Variants in DGKZ observed in about 807,000 individuals in gnomAD.
The protein encoded by DGKZ is diacylglycerol kinase zeta.
DGKZ carries 45 observed loss-of-function variants against 142.5 expected under a neutral mutation model. That is an observed-to-expected ratio of 0.32 (90% CI 0.25 to 0.40). The LOEUF (loss-of-function observed/expected upper bound fraction) is 0.40. Among genes scored for constraint, DGKZ ranks in the 10% least tolerant of loss-of-function variants. The probability of loss-of-function intolerance (pLI) is 1.00; values close to 1 mark genes in which losing one functional copy is unlikely to be tolerated. For missense variants in DGKZ, 755 were observed against 1,306.5 expected (o/e 0.58, Z 6.51); for synonymous variants, 442 against 527.0 (o/e 0.84, Z 2.21).
intron 1 of DGKZ, chr11:46,366,402 G>C: frequency 1.3e-6 from 2 of 1,526,850 alleles, no homozygotes; most frequent in Non-Finnish European, 1.8e-6. Context: ...CTGGCACAGC[G>C]GCGCCGCTCC....
chr11:46,376,494 C>T (rs1344876932), intron 23 of DGKZ, 30 bp from the exon 24 acceptor site: 1 of 1,613,806 alleles, frequency 6.2e-7, no homozygotes, highest in South Asian at 1.1e-5. Flanking sequence ...CATGGCACTC[C>T]CTGATCCTCA....
At chr11:46,371,934 T>C in intron 9 of DGKZ, 141 bp from the exon 10 acceptor site, 2 of 1,230,406 alleles carry the variant, frequency 1.6e-6, no homozygotes, top group South Asian at 1.3e-5. Flanking sequence ...CAGTTTCTGC[T>C]CTGTGGCCTG....
chr11:46,365,332 G>T (rs1250311825), intron 1 of DGKZ: 1 of 985,330 alleles, frequency 1.0e-6, no homozygotes, highest in African/African-American at 1.7e-5. Context: ...GCATCACCCA[G>T]CTTCACCCTG....
At chr11:46,366,146 C>T in intron 1 of DGKZ, 1 of 1,403,012 alleles carries the variant, frequency 7.1e-7, no homozygotes, top group Non-Finnish European at 9.2e-7. Context: ...CTGGTTGCTT[C>T]CCTTCTCATG....
intron 1 of DGKZ, among the ~76,000 whole-genome samples, chr11:46,349,424 CTTCTGA>C (rs1404542210): frequency 1.3e-5 from 2 of 152,154 alleles, no homozygotes; most frequent in Admixed American, 1.3e-4. Context: ...GGCTGTGCCC[CTTCTGA>C]AGGGCACAGG....
At chr11:46,371,649 T>C in intron 8 of DGKZ, 46 bp downstream of exon 8, 1 of 1,613,500 alleles carries the variant, frequency 6.2e-7, no homozygotes, top group Non-Finnish European at 8.5e-7. Context: ...ACTTGGGGTC[T>C]GCCAGCTACC....
intron 4 of DGKZ, 48 bp downstream of exon 4, chr11:46,368,127 G>T: frequency 6.3e-7 from 1 of 1,589,398 alleles, no homozygotes; most frequent in Admixed American, 1.7e-5. Flanking sequence ...TGGGTGCTGA[G>T]GCCCTTTCAG....
chr11:46,333,514 C>T, intron 1 of DGKZ: 1 of 1,535,466 alleles, frequency 6.5e-7, no homozygotes, highest in Non-Finnish European at 8.8e-7. Flanking sequence ...CAGAGGGGAG[C>T]GCGGCGCTTG....
intron 1 of DGKZ, among the ~76,000 whole-genome samples, chr11:46,348,313 C>A (rs1940929500): frequency 6.6e-6 from 1 of 152,218 alleles, no homozygotes; most frequent in South Asian, 2.1e-4. Flanking sequence ...GTGGCATCTG[C>A]AGAACGTAGC....
At chr11:46,347,444 T>C, upstream of DGKZ, 3 of 981,492 alleles carry the variant, frequency 3.1e-6, no homozygotes, top group Non-Finnish European at 3.6e-6. The surrounding 1 kb of genome is among the most constrained non-coding windows in gnomAD (Gnocchi z 6.4). Context: ...CTATGCGGGG[T>C]CCTGCGGCCG....
At chr11:46,356,829 G>T (rs1942079676) in intron 1 of DGKZ, among the ~76,000 whole-genome samples, 1 of 152,160 alleles carries the variant, frequency 6.6e-6, no homozygotes, top group East Asian at 1.9e-4. Context: ...GGGCCATGGG[G>T]ATAAGAATAC....
rs889979983 is a variant in DGKZ at position 46,367,081 on chromosome 11, A to G, written c.162-210A>G. On this transcript the variant is annotated intron_variant, in intron 1 of 30. Coordinates refer to ENST00000527911, the Ensembl canonical transcript of DGKZ. The surrounding 1 kb of genome is among the most constrained non-coding windows in gnomAD (Gnocchi z 4.1). ...AGCTCTGCCTGGCTGAGGGTTCCCCACTTGGGAACACTCTGGGCAGTACCC... is the reference window on the plus strand; with the variant it reads ...AGCTCTGCCTGGCTGAGGGTTCCCCGCTTGGGAACACTCTGGGCAGTACCC... 1.4e-5 allele frequency: 19 copies of G among 1,402,608 alleles called. No individual in the cohort carries two copies. Among genetic ancestry groups the G allele is most frequent in the Non-Finnish European group, 1.8e-5 (19 of 1,047,258 alleles). The allele number at this position is 1,402,608 out of a possible 1,614,324, so 86.9% of individuals were successfully genotyped here.
chr11:46,343,005 T>G (rs1050352093), upstream of DGKZ, among the ~76,000 whole-genome samples: 1 of 152,054 alleles, frequency 6.6e-6, no homozygotes, highest in Admixed American at 6.5e-5. Context: ...ACGCCTGTGA[T>G]CCAAGCTACT....
At chr11:46,379,738 C>A in intron 30 of DGKZ, 93 bp from the exon 31 acceptor site, 2 of 1,359,818 alleles carry the variant, frequency 1.5e-6, no homozygotes, top group South Asian at 1.4e-5. Context: ...CCTCCCTGAC[C>A]AGGCCACAGG....
At chr11:46,361,751 T>A in intron 1 of DGKZ, 13 of 775,474 alleles carry the variant, frequency 1.7e-5, no homozygotes, top group Non-Finnish European at 1.6e-5. Context: ...GCTTCCTCCC[T>A]CTGTATCTGG....
upstream of DGKZ, chr11:46,345,493 G>A (rs1351884083): frequency 2.7e-5 from 41 of 1,513,930 alleles, no homozygotes; most frequent in African/African-American, 5.7e-5. This position sits in a 1 kb window ranked among gnomAD's most constrained non-coding sequence, Gnocchi z 4.1. Context: ...CGCTGGGGAC[G>A]GAAGAAGGGG....
At chr11:46,373,293 T>G (rs545959831) in intron 14 of DGKZ, among the ~76,000 whole-genome samples, 192 bp downstream of exon 14, 33 of 140,816 alleles carry the variant, frequency 2.3e-4, no homozygotes, top group Middle Eastern at 3.5e-3. Flanking sequence ...TTGTTTTTTT[T>G]TTTTTTTTTT....
Position 46,347,966 on chromosome 11 carries a change from G to A in DGKZ, c.161+146G>A. 2 of 1,195,630 alleles carry A rather than the reference G, an allele frequency of 1.7e-6. No homozygotes were observed. Among genetic ancestry groups the A allele is most frequent in the Non-Finnish European group, 2.1e-6 (2 of 943,706 alleles). The allele number at this position is 1,195,630 out of a possible 1,614,324, so 74.1% of individuals were successfully genotyped here. ...GAGGCTGGCACCGGCGGCACGAGCCGTCTTGGCGTGGGCACCCACTGGGAG... is the reference window on the plus strand; with the variant it reads ...GAGGCTGGCACCGGCGGCACGAGCCATCTTGGCGTGGGCACCCACTGGGAG... On this transcript the variant is annotated intron_variant, in intron 1 of 30. Transcript: ENST00000527911. This position sits in a 1 kb window ranked among gnomAD's most constrained non-coding sequence, Gnocchi z 6.4.
At position 46,371,486 on chromosome 11, in the gene DGKZ, G is replaced by A. The variant is rs1364063793; in HGVS notation, c.643-1G>A. ...TGAGCCCGGCCCCTCGCTCTCCTCAGTACCACAGCAAGGTGTCCTGCTTCA... is the reference window on the plus strand; with the variant it reads ...TGAGCCCGGCCCCTCGCTCTCCTCAATACCACAGCAAGGTGTCCTGCTTCA... On this transcript the variant is annotated splice_acceptor_variant, in intron 7 of 30. Coordinates refer to ENST00000527911, the Ensembl canonical transcript of DGKZ. LOFTEE classifies it high-confidence loss of function. The A allele has an allele frequency of 7.5e-6, 12 of 1,603,302 alleles. No individual in the cohort carries two copies.
Sources: gnomAD v4.1 joint callset for allele counts (sites outside exome capture counted in the v4.1 genomes callset) on GRCh38, gnomAD v4.1.1 for gene constraint, Gnocchi (gnomAD v3.1) non-coding constraint, MANE v1.5 for transcripts, NCBI Gene and HGNC (gene_info 2026-07-23, HGNC 2026-07-21) for gene names.